DNAH5: variants seen among roughly 807,000 people sequenced by gnomAD.
DNAH5 encodes dynein axonemal heavy chain 5.
DNAH5 carries 372 observed loss-of-function variants against 518.2 expected under a neutral mutation model. The ratio of observed to expected loss-of-function variants is 0.72; its 90% CI spans 0.66 to 0.78. The LOEUF is 0.78. Among genes scored for constraint, DNAH5 ranks in the 30% least tolerant of loss-of-function variants. The probability of loss-of-function intolerance (pLI) is 0.00; values close to 1 mark genes in which losing one functional copy is unlikely to be tolerated. For synonymous variants in DNAH5, 2,039 were observed against 2,025.9 expected, an observed-to-expected ratio of 1.01 and a Z score of -0.17; for missense variants, 5,523 against 5,687.0, an observed-to-expected ratio of 0.97 and a Z score of 0.93.
chr5:13,916,432 A>G lies in DNAH5; in HGVS notation c.1113T>C (p.Pro371=). 3 of 1,558,462 alleles carry G rather than the reference A, an allele frequency of 1.9e-6. No homozygotes were observed. Among genetic ancestry groups the G allele is most frequent in the Non-Finnish European group, 2.7e-6 (3 of 1,131,652 alleles). ...SDPLSMMDAI[P]TLINAIKMIY... ...TCATTTTAATTGCATTTATAAGTGT[A>G]GGAATAGCATCCATCATGGATAGCT... Residue 371 remains proline (P), a synonymous_variant, in exon 9 of 79, where the codon CCT becomes CCC. Coordinates refer to ENST00000265104, the MANE Select transcript of DNAH5 (RefSeq NM_001369.3).
In DNAH5 at chr5:13,701,281, T is replaced by G. The variant is rs1380225840; in HGVS notation, c.13491+3A>C. ...CGCAACGGGTGCAAATCAGAGCTCT[T>G]ACCTGTCGCATTGCAGTTAAAAATC... On this transcript the variant is annotated splice_donor_region_variant and intron_variant, in intron 77 of 78. Coordinates refer to ENST00000265104, the MANE Select transcript of DNAH5 (RefSeq NM_001369.3). The G allele has an allele frequency of 6.2e-7, 1 of 1,613,640 alleles. No individual in the cohort carries two copies. Among genetic ancestry groups the G allele is most frequent in the Non-Finnish European group, 8.5e-7 (1 of 1,179,822 alleles).
At chr5:13,995,631 T>G (rs1322160152) in intron 1 of DNAH5, among the ~76,000 whole-genome samples, 1 of 151,156 alleles carries the variant, frequency 6.6e-6, no homozygotes, top group Non-Finnish European at 1.5e-5. Flanking sequence ...AAATCCAGGT[T>G]AAAAAAAAAG....
In DNAH5 at chr5:13,823,420, T is replaced by C. The variant is rs373004786; in HGVS notation, c.6580-50A>G. On this transcript the variant is annotated intron_variant, in intron 39 of 78. Transcript: ENST00000265104. ...GACCAATTATTCTGGTATAAACATA[T>C]CAATATGCAGATAAACTGGAAATGC... 83 of 1,228,064 alleles carry C rather than the reference T, an allele frequency of 6.8e-5. No homozygotes were observed. In the African/African-American group the frequency reaches 1.0e-3, roughly 15 times the overall value. 76.1% of individuals were successfully genotyped at this position (1,228,064 alleles called of 1,614,324 possible). A position where few individuals can be genotyped will look rare whatever the true frequency, so the allele number is the denominator to read the frequency against.
intron 65 of DNAH5, among the ~76,000 whole-genome samples, chr5:13,748,347 T>C (rs913409711): frequency 2.6e-5 from 4 of 152,148 alleles, no homozygotes; most frequent in African/African-American, 9.7e-5. Context: ...CTTAGGATTG[T>C]CTTGGCAATG....
At chr5:13,863,779 C>A (rs946720914) in intron 28 of DNAH5, among the ~76,000 whole-genome samples, 1 of 152,186 alleles carries the variant, frequency 6.6e-6, no homozygotes, top group Admixed American at 6.5e-5. Context: ...ACCATGTCAG[C>A]CCCTGCTGAA....
At chr5:13,835,892 C>T (rs1764320659) in intron 35 of DNAH5, among the ~76,000 whole-genome samples, 1 of 152,132 alleles carries the variant, frequency 6.6e-6, no homozygotes, top group Non-Finnish European at 1.5e-5. Flanking sequence ...GCTGTTCCTC[C>T]AGTCATCGGA....
chr5:13,890,574 C>T (rs1773086464), intron 17 of DNAH5, among the ~76,000 whole-genome samples: 1 of 152,104 alleles, frequency 6.6e-6, no homozygotes, highest in Admixed American at 6.5e-5. Context: ...TATAGAACAC[C>T]AGTTTGGGAA....
intron 16 of DNAH5, 130 bp downstream of exon 16, chr5:13,894,520 T>G: frequency 1.0e-6 from 1 of 1,003,846 alleles, no homozygotes; most frequent in African/African-American, 1.6e-5. Context: ...AACACTTCCT[T>G]ATGAAACAGC....
chr5:13,984,281 T>C (rs903162273), intron 1 of DNAH5, among the ~76,000 whole-genome samples: 1 of 152,212 alleles, frequency 6.6e-6, no homozygotes, highest in Non-Finnish European at 1.5e-5. Flanking sequence ...TTTTATTCTC[T>C]TTGAAGCAAT....
At chr5:13,836,185 C>T (rs757788878) in intron 35 of DNAH5, among the ~76,000 whole-genome samples, 28 of 152,178 alleles carry the variant, frequency 1.8e-4, no homozygotes, top group Admixed American at 1.6e-3. Flanking sequence ...ATGAAGACAA[C>T]AGCAGGAGGG....
intron 52 of DNAH5, among the ~76,000 whole-genome samples, chr5:13,785,694 G>A (rs1291057458): frequency 6.6e-6 from 1 of 152,074 alleles, no homozygotes; most frequent in African/African-American, 2.4e-5. Flanking sequence ...CCCAACCCTG[G>A]AATTCTCCAT....
intron 66 of DNAH5, among the ~76,000 whole-genome samples, chr5:13,736,801 G>T (rs1747536679): frequency 6.6e-6 from 1 of 152,142 alleles, no homozygotes; most frequent in African/African-American, 2.4e-5. Flanking sequence ...GGTTTCTCTT[G>T]TACAAGGCCA....
chr5:13,823,043 G>A (rs370114316), intron 40 of DNAH5, among the ~76,000 whole-genome samples: 16 of 152,346 alleles, frequency 1.1e-4, no homozygotes, highest in African/African-American at 3.8e-4. Flanking sequence ...ACTCGCACAT[G>A]ACTAGCTGGA....
In DNAH5 at chr5:13,919,301, G is replaced by C. The variant is rs777361601; in HGVS notation, c.850C>G (p.Arg284Gly). The change falls in exon 7 of 79, where the codon CGA (arginine) becomes GGA (glycine). Residue 284 changes from arginine to glycine, a missense_variant. Around this residue, in one of 3 missense-constraint regions of DNAH5, gnomAD observed 5,121 missense variants for 5,223.3 expected, o/e 0.98. Coordinates refer to ENST00000265104, the MANE Select transcript of DNAH5 (RefSeq NM_001369.3). ...TTTTTCCAGTGCTCCAGCTCCGCTC[G>C]TGGCCCAACGTCATCCGCTTCCTTC... is the stretch of plus-strand genomic sequence containing the variant. The part of the protein sequence containing the change: ...LLKEADDVGP[R>G]AELEHWKKRL... 3 of 1,614,090 alleles carry C rather than the reference G, an allele frequency of 1.9e-6. No homozygotes were observed. Among genetic ancestry groups the C allele is most frequent in the South Asian group, 1.1e-5 (1 of 91,082 alleles).
chr5:13,696,315 C>T (rs1017966063), intron 78 of DNAH5, among the ~76,000 whole-genome samples: 2 of 152,180 alleles, frequency 1.3e-5, no homozygotes, highest in Admixed American at 6.5e-5. Context: ...TTTCTTCTAT[C>T]TGTCCTTTTC....
At chr5:13,809,340 T>C (rs1163156890) in intron 45 of DNAH5, among the ~76,000 whole-genome samples, 154 bp from the exon 46 acceptor site, 1 of 152,188 alleles carries the variant, frequency 6.6e-6, no homozygotes, top group Non-Finnish European at 1.5e-5. Flanking sequence ...CACAAGTATG[T>C]GTTAGCTGAG....
At chr5:13,743,665 G>A (rs975350691) in intron 65 of DNAH5, among the ~76,000 whole-genome samples, 2 of 151,856 alleles carry the variant, frequency 1.3e-5, no homozygotes, top group African/African-American at 4.8e-5. Flanking sequence ...GAACAGACAT[G>A]TCTCAAAAGA....
intron 78 of DNAH5, among the ~76,000 whole-genome samples, chr5:13,699,113 C>CA (rs1418083234): frequency 1.3e-5 from 2 of 152,096 alleles, no homozygotes; most frequent in Admixed American, 1.3e-4. Context: ...ACTGAATGAC[C>CA]AAGCAAGCTA....
intron 78 of DNAH5, among the ~76,000 whole-genome samples, chr5:13,693,082 A>T (rs1740916577): frequency 6.6e-6 from 1 of 152,196 alleles, no homozygotes; most frequent in African/African-American, 2.4e-5. Context: ...CATCTCAGGA[A>T]ATAGTATATT....
Sources: gnomAD v4.1 joint callset for allele counts (sites outside exome capture counted in the v4.1 genomes callset) on GRCh38, gnomAD v4.1.1 for gene constraint, gnomAD v4.1.1 regional missense constraint, MANE v1.5 for transcripts, NCBI Gene and HGNC (gene_info 2026-07-23, HGNC 2026-07-21) for gene names.